FSD1L: variants seen among roughly 807,000 people sequenced by gnomAD.
FSD1L encodes FSD1-like protein.
FSD1L carries 45 observed loss-of-function variants against 71.6 expected under a neutral mutation model. The ratio of observed to expected loss-of-function variants is 0.63; its 90% CI spans 0.49 to 0.81. FSD1L has a LOEUF of 0.81. Ranked by LOEUF, FSD1L falls within the 30% of genes least tolerant of loss-of-function variation. The pLI is 0.00. For missense variants in FSD1L, 561 were observed against 618.1 expected, an observed-to-expected ratio of 0.91 and a Z score of 0.98; for synonymous variants, 197 against 207.2, an observed-to-expected ratio of 0.95 and a Z score of 0.42.
rs530990124 is a variant in FSD1L, at chr9:105,452,628, CGCCT to C, written c.15+4434_15+4437del. 7.3e-3 allele frequency among the ~76,000 whole-genome samples: 912 copies of C among 124,396 alleles called. 18 individuals are homozygous for C. The highest frequency in any genetic ancestry group is 0.012 in the African/African-American group (372 of 30,548). 81.6% of individuals were successfully genotyped at this position (124,396 alleles called of 152,430 possible). A position where few individuals can be genotyped will look rare whatever the true frequency, so the allele number is the denominator to read the frequency against. On this transcript the variant is annotated intron_variant, in intron 1 of 13. Coordinates refer to ENST00000481272, the MANE Select transcript of FSD1L (RefSeq NM_001145313.3). ...TCCCTCCCTCCTGTGGGCGCTCGCT[CGCCT>C]GCCTGCCTGCCTGCCTGCCTGCCTG...
intron 7 of FSD1L, among the ~76,000 whole-genome samples, chr9:105,493,599 T>C (rs1833118749): frequency 6.6e-6 from 1 of 152,238 alleles, no homozygotes; most frequent in South Asian, 2.1e-4. Flanking sequence ...CTAGCCTCGA[T>C]GGTCTTTACA....
At chr9:105,541,549 A>G (rs1042593987) in intron 13 of FSD1L, among the ~76,000 whole-genome samples, 5 of 152,328 alleles carry the variant, frequency 3.3e-5, no homozygotes, top group African/African-American at 1.2e-4. Flanking sequence ...TACTGCAAGA[A>G]ATTATTTTAA....
At chr9:105,470,934 G>GT (rs1831414945) in intron 4 of FSD1L, among the ~76,000 whole-genome samples, 1 of 152,162 alleles carries the variant, frequency 6.6e-6, no homozygotes, top group African/African-American at 2.4e-5. Context: ...GCAGAATTCT[G>GT]TTCTGTTTTG....
chr9:105,444,783 A>G (rs2131539401), upstream of FSD1L, among the ~76,000 whole-genome samples: 1 of 152,104 alleles, frequency 6.6e-6, no homozygotes, highest in Admixed American at 6.5e-5. Context: ...CCTCTCCCCG[A>G]CCCCTTTTTT....
chr9:105,531,355 C>T (rs1202641784), intron 10 of FSD1L, among the ~76,000 whole-genome samples: 3 of 152,190 alleles, frequency 2.0e-5, no homozygotes, highest in Non-Finnish European at 4.4e-5. Flanking sequence ...CCTCTCCTTT[C>T]ATTTCATTCT....
upstream of FSD1L, among the ~76,000 whole-genome samples, chr9:105,444,524 C>T (rs78435589): frequency 0.012 from 1,756 of 152,226 alleles, 32 homozygotes; most frequent in African/African-American, 0.038. Flanking sequence ...TCAGAATATA[C>T]GAGGTAGCCC....
chr9:105,515,208 C>T (rs115143368), intron 10 of FSD1L, among the ~76,000 whole-genome samples: 2,525 of 152,242 alleles, frequency 0.017, 59 homozygotes, highest in African/African-American at 0.058. Context: ...TACGCTTGGG[C>T]CTGAAAGATC....
chr9:105,545,122 C>T (rs1198154481), intron 13 of FSD1L, among the ~76,000 whole-genome samples: 2 of 151,906 alleles, frequency 1.3e-5, no homozygotes, highest in African/African-American at 2.4e-5. Context: ...GTTTGTAGTT[C>T]TCCTTGAAGA....
chr9:105,446,195 T>C (rs1203009676), upstream of FSD1L, among the ~76,000 whole-genome samples: 3 of 152,150 alleles, frequency 2.0e-5, no homozygotes, highest in East Asian at 1.9e-4. Flanking sequence ...AACACAGAGC[T>C]CCTTCTCTCC....
intron 7 of FSD1L, among the ~76,000 whole-genome samples, chr9:105,494,240 T>C (rs1157350953): frequency 6.6e-6 from 1 of 152,196 alleles, no homozygotes; most frequent in Non-Finnish European, 1.5e-5. Flanking sequence ...TCTCGCTTCA[T>C]TTCATTCATT....
At position 105,481,023 on chromosome 9, in the gene FSD1L, C is replaced by A. The variant is rs116096113; in HGVS notation, c.464+1647C>A. Among the ~76,000 whole-genome samples the A allele has an allele frequency of 4.2e-3, 640 of 151,952 alleles. 4 individuals are homozygous for A. The highest frequency in any genetic ancestry group is 0.015 in the African/African-American group (611 of 41,402). On this transcript the variant is annotated intron_variant, in intron 6 of 13. Transcript: ENST00000481272. ...GTTTATCAGAATTTAATTTCATGAC[C>A]AATTTCAATGGCTGTATTCTTCACT...
intron 5 of FSD1L, among the ~76,000 whole-genome samples, chr9:105,474,652 A>G (rs1317457767): frequency 2.6e-5 from 4 of 152,212 alleles, no homozygotes; most frequent in African/African-American, 4.8e-5. Context: ...AAGGTATACT[A>G]TTTGTGAATA....
chr9:105,471,688 A>T (rs1831471652), intron 4 of FSD1L, among the ~76,000 whole-genome samples: 2 of 146,256 alleles, frequency 1.4e-5, no homozygotes, highest in African/African-American at 5.1e-5. Flanking sequence ...AAGATAATTA[A>T]AATTTGTTAT....
chr9:105,503,452 T>C (rs1316437639), intron 7 of FSD1L, among the ~76,000 whole-genome samples: 1 of 152,206 alleles, frequency 6.6e-6, no homozygotes, highest in African/African-American at 2.4e-5. Flanking sequence ...CTCTTAGCCA[T>C]TTCTTATGCA....
At chr9:105,524,460 C>A (rs1835377919) in intron 10 of FSD1L, 4 of 1,613,428 alleles carry the variant, frequency 2.5e-6, no homozygotes, top group Non-Finnish European at 2.5e-6. Flanking sequence ...CATGGCCTTA[C>A]CTCTAAAGAC....
At chr9:105,513,212 TAGA>T (rs766087198) in intron 10 of FSD1L, among the ~76,000 whole-genome samples, 15 of 152,164 alleles carry the variant, frequency 9.9e-5, no homozygotes, top group Admixed American at 6.5e-4. Flanking sequence ...TTGAATTGCT[TAGA>T]AGAAGTTTCT....
intron 10 of FSD1L, among the ~76,000 whole-genome samples, chr9:105,517,124 G>GA (rs1183513183): frequency 6.6e-6 from 1 of 152,108 alleles, no homozygotes; most frequent in Non-Finnish European, 1.5e-5. Flanking sequence ...CAAGATTAGA[G>GA]AAAAAAGAAT....
intron 10 of FSD1L, among the ~76,000 whole-genome samples, chr9:105,531,193 C>T (rs944469837): frequency 6.6e-6 from 1 of 152,188 alleles, no homozygotes; most frequent in Non-Finnish European, 1.5e-5. Flanking sequence ...GCCTACCCTC[C>T]AGTATCTGAT....
rs774238911 is a variant in FSD1L at position 105,551,763 on chromosome 9, G to A, written c.*5280G>A. ...GCTCTTGCACAGCATTGTTGTGTCA[G>A]TGTAGAATAGTGGCATAAATAAATG... is the stretch of plus-strand genomic sequence containing the variant. On this transcript the variant is annotated 3_prime_UTR_variant, in exon 14 of 14. Coordinates refer to ENST00000481272, the MANE Select transcript of FSD1L (RefSeq NM_001145313.3). 6.6e-6 allele frequency: 1 copy of A among 152,186 alleles called. No individual in the cohort carries two copies. Among genetic ancestry groups the A allele is most frequent in the Non-Finnish European group, 1.5e-5 (1 of 68,030 alleles). The allele number at this position is 152,186 out of a possible 1,614,324, so 9.4% of individuals were successfully genotyped here.
Sources: allele counts gnomAD v4.1 joint callset (sites outside exome capture counted in the v4.1 genomes callset), GRCh38; gene constraint gnomAD v4.1.1; transcripts MANE v1.5; gene names NCBI Gene and HGNC (gene_info 2026-07-23, HGNC 2026-07-21).